Variants in LINC01488 observed in about 807,000 individuals in gnomAD.
The protein encoded by LINC01488 is long independently transcribed non-coding RNA 1488, also known as CCND1-upstream intergenic DNA repair 1.
chr11:69,486,425 A>C (rs751021046), intron 1 of LINC01488, among the ~76,000 whole-genome samples: 10 of 152,214 alleles, frequency 6.6e-5, no homozygotes, highest in Non-Finnish European at 1.5e-4. Context: ...CTCCAGGTTC[A>C]TCTCCCCAGG....
At chr11:69,490,075 C>G (rs547333233) in intron 1 of LINC01488, among the ~76,000 whole-genome samples, 10 of 152,274 alleles carry the variant, frequency 6.6e-5, no homozygotes, top group African/African-American at 2.2e-4. Flanking sequence ...TTGGAGGAGC[C>G]CTTGGTCCCT....
At chr11:69,482,425 T>TGAGTGGATGGATGGAC (rs1857056018) in intron 1 of LINC01488, among the ~76,000 whole-genome samples, 1 of 151,852 alleles carries the variant, frequency 6.6e-6, no homozygotes, top group Non-Finnish European at 1.5e-5. Flanking sequence ...GATGGATGGA[T>TGAGTGGATGGATGGAC]GAGTGGATGG....
chr11:69,487,299 G>GA lies in LINC01488; in HGVS notation n.123-3195dup, dbSNP rs553538570. Among the ~76,000 whole-genome samples the GA allele has an allele frequency of 4.8e-3, 738 of 152,352 alleles. 3 individuals are homozygous for GA. The highest frequency in any genetic ancestry group is 7.2e-3 in the Non-Finnish European group (490 of 68,026). On this transcript the variant is annotated intron_variant and non_coding_transcript_variant, in intron 1 of 3. Transcript: ENST00000644563. ...CAGGAGAGCCAGCTGGACAGGGTGG[G>GA]ACGGCATGGGAAGGAGAGGGAGCCC... is the stretch of plus-strand genomic sequence containing the variant.
exon 4 of LINC01488, chr11:69,492,380 C>T (rs1857236742): frequency 1.3e-5 from 2 of 152,306 alleles, no homozygotes; most frequent in Non-Finnish European, 2.9e-5. Flanking sequence ...ACTTTGCAGG[C>T]ATGAAGGTTA....
chr11:69,489,874 G>A (rs1421789911), intron 1 of LINC01488, among the ~76,000 whole-genome samples: 1 of 152,176 alleles, frequency 6.6e-6, no homozygotes, highest in African/African-American at 2.4e-5. Flanking sequence ...CACTCTCAGC[G>A]GGTGAGGAGG....
chr11:69,483,986 G>A (rs566461824), intron 1 of LINC01488, among the ~76,000 whole-genome samples: 3 of 152,332 alleles, frequency 2.0e-5, no homozygotes, highest in African/African-American at 7.2e-5. Context: ...TGGGGCTCTG[G>A]GTGATGCCCG....
intron 1 of LINC01488, among the ~76,000 whole-genome samples, chr11:69,489,633 A>AGCG (rs1857186129): frequency 6.6e-6 from 1 of 152,240 alleles, no homozygotes; most frequent in Non-Finnish European, 1.5e-5. Context: ...ATGCACCGGT[A>AGCG]GCGGGTGCTC....
intron 1 of LINC01488, among the ~76,000 whole-genome samples, chr11:69,488,782 G>A (rs1278982621): frequency 6.6e-6 from 1 of 152,230 alleles, no homozygotes; most frequent in Non-Finnish European, 1.5e-5. Flanking sequence ...ACGGGGCCCT[G>A]GGCATGGGGA....
chr11:69,483,601 T>C lies in LINC01488; in HGVS notation n.122+1818T>C, dbSNP rs548079228. On this transcript the variant is annotated intron_variant and non_coding_transcript_variant, in intron 1 of 3. Transcript: ENST00000644563. ...TGTCTGTGACCCGGGCTCAGAGGGCTGTGGGCTCAGAGGAGGGGAAGAGGC... is the reference window on the plus strand; with the variant it reads ...TGTCTGTGACCCGGGCTCAGAGGGCCGTGGGCTCAGAGGAGGGGAAGAGGC... Among the ~76,000 whole-genome samples the C allele has an allele frequency of 2.6e-5, 4 of 152,290 alleles. No individual in the cohort carries two copies. In the South Asian group the frequency reaches 8.3e-4, roughly 32 times the overall value.
intron 1 of LINC01488, among the ~76,000 whole-genome samples, chr11:69,484,105 C>T (rs1008411659): frequency 2.6e-5 from 4 of 152,218 alleles, no homozygotes; most frequent in Non-Finnish European, 5.9e-5. Flanking sequence ...AGCCCTGTGT[C>T]AGCTCCAGGG....
At chr11:69,485,257 G>T (rs1661005214) in intron 1 of LINC01488, among the ~76,000 whole-genome samples, 1 of 152,218 alleles carries the variant, frequency 6.6e-6, no homozygotes, top group South Asian at 2.1e-4. Flanking sequence ...GGAGCCAGGA[G>T]TTGGACCCAG....
chr11:69,482,395 A>G (rs1236162657), intron 1 of LINC01488, among the ~76,000 whole-genome samples: 2 of 145,288 alleles, frequency 1.4e-5, no homozygotes, highest in African/African-American at 5.0e-5. Flanking sequence ...AACAATATCA[A>G]GTAGATGGAT....
Position 69,484,683 on chromosome 11 carries a change from G to A in LINC01488, n.122+2900G>A, listed in dbSNP as rs114970950. ...CTGCCAAGTGGGCCGGCCCTGTGTCGCGCTGGCCCACGCAGCTGCTGAGCC... is the reference window on the plus strand; with the variant it reads ...CTGCCAAGTGGGCCGGCCCTGTGTCACGCTGGCCCACGCAGCTGCTGAGCC... On this transcript the variant is annotated intron_variant and non_coding_transcript_variant, in intron 1 of 3. Coordinates refer to ENST00000644563, the Ensembl canonical transcript of LINC01488. Among the ~76,000 whole-genome samples the A allele has an allele frequency of 9.2e-3, 1,397 of 152,340 alleles. 22 individuals carry two copies. Among genetic ancestry groups the A allele is most frequent in the African/African-American group, 0.032 (1,342 of 41,574 alleles).
chr11:69,490,140 T>C (rs1224433918), intron 1 of LINC01488, among the ~76,000 whole-genome samples: 1 of 152,130 alleles, frequency 6.6e-6, no homozygotes, highest in Non-Finnish European at 1.5e-5. Flanking sequence ...TCCTTGGAGA[T>C]TTGGTCCAGG....
exon 4 of LINC01488, chr11:69,492,768 T>C (rs746855963): frequency 2.6e-5 from 4 of 152,052 alleles, no homozygotes; most frequent in Non-Finnish European, 5.9e-5. Flanking sequence ...TGTACGGGGG[T>C]TAAAGAGGAC....
intron 1 of LINC01488, among the ~76,000 whole-genome samples, chr11:69,490,304 C>T (rs1366142158): frequency 1.3e-5 from 2 of 152,184 alleles, no homozygotes; most frequent in Non-Finnish European, 2.9e-5. Context: ...ACTGCGGAGG[C>T]GTGGGATCTG....
At chr11:69,485,028 C>G (rs577605763) in intron 1 of LINC01488, among the ~76,000 whole-genome samples, 1 of 152,208 alleles carries the variant, frequency 6.6e-6, no homozygotes, top group Non-Finnish European at 1.5e-5. Flanking sequence ...CCCAACCCCC[C>G]GCCACCACCA....
intron 1 of LINC01488, among the ~76,000 whole-genome samples, chr11:69,484,501 A>T (rs919865621): frequency 1.3e-5 from 2 of 152,128 alleles, no homozygotes; most frequent in Admixed American, 6.5e-5. Flanking sequence ...ACTTCAGGTG[A>T]CTCCCCTGCC....
At chr11:69,485,381 A>C (rs939374441) in intron 1 of LINC01488, among the ~76,000 whole-genome samples, 1 of 152,106 alleles carries the variant, frequency 6.6e-6, no homozygotes, top group Non-Finnish European at 1.5e-5. Context: ...GATGCCACTG[A>C]CCTCACTGGA....
Sources: gnomAD v4.1 joint callset for allele counts (sites outside exome capture counted in the v4.1 genomes callset) on GRCh38, gnomAD v4.1.1 for gene constraint, MANE v1.5 for transcripts, NCBI Gene and HGNC (gene_info 2026-07-23, HGNC 2026-07-21) for gene names.